Variants in PTPRD observed in about 807,000 individuals in gnomAD.
PTPRD encodes the protein protein tyrosine phosphatase receptor type D, also known as receptor-type tyrosine-protein phosphatase delta.
PTPRD carries 34 observed loss-of-function variants against 214.5 expected under a neutral mutation model. The ratio of observed to expected loss-of-function variants is 0.16; its 90% CI spans 0.12 to 0.21. PTPRD has a LOEUF of 0.21. PTPRD is among the 10% of genes least tolerant of loss of function. The probability of loss-of-function intolerance (pLI) is 1.00; values close to 1 mark genes in which losing one functional copy is unlikely to be tolerated. For synonymous variants in PTPRD, 1,128 were observed against 845.7 expected (o/e 1.33, Z -5.79); for missense variants, 2,545 against 2,398.7 (o/e 1.06, Z -1.27).
intron 8 of PTPRD, among the ~76,000 whole-genome samples, chr9:9,411,247 T>A (rs2075318798): frequency 7.5e-6 from 1 of 133,698 alleles, no homozygotes; most frequent in Non-Finnish European, 1.5e-5. Flanking sequence ...TCCCTGAGGA[T>A]ACATAGCATT....
At chr9:9,083,631 G>T (rs913663553) in intron 10 of PTPRD, among the ~76,000 whole-genome samples, 2 of 152,010 alleles carry the variant, frequency 1.3e-5, no homozygotes, top group Non-Finnish European at 2.9e-5. Context: ...CAGAATGGGA[G>T]AAAATCTTTG....
At chr9:8,704,251 C>G (rs2098151360) in intron 12 of PTPRD, among the ~76,000 whole-genome samples, 1 of 152,190 alleles carries the variant, frequency 6.6e-6, no homozygotes, top group East Asian at 1.9e-4. Flanking sequence ...CCCTCCCACT[C>G]CATCCTCTGC....
intron 11 of PTPRD, among the ~76,000 whole-genome samples, chr9:9,008,841 T>C (rs2154360764): frequency 6.6e-6 from 1 of 152,270 alleles, no homozygotes; most frequent in East Asian, 1.9e-4. Flanking sequence ...ATGTTTTTCC[T>C]CTCTTTAACC....
intron 3 of PTPRD, among the ~76,000 whole-genome samples, chr9:10,065,141 TAGAAAGAAAGAAAGAAAGAAAGAAAGAA>T (rs554379074): frequency 9.4e-6 from 1 of 106,732 alleles, no homozygotes; most frequent in Non-Finnish European, 1.9e-5. Flanking sequence ...TGACTTGGAT[TAGAAAGAAAGAAAGAAAGAAAGAAAGAA>T]AGAAAGAAAG....
chr9:9,003,537 T>C (rs1318943779), intron 11 of PTPRD, among the ~76,000 whole-genome samples: 1 of 152,068 alleles, frequency 6.6e-6, no homozygotes, highest in Non-Finnish European at 1.5e-5. Context: ...ATGATGGTGA[T>C]TGTTGGCTGG....
intron 14 of PTPRD, among the ~76,000 whole-genome samples, chr9:8,553,761 T>G (rs991915545): frequency 6.6e-6 from 1 of 152,204 alleles, no homozygotes; most frequent in Non-Finnish European, 1.5e-5. Context: ...TCAGAGAACC[T>G]ATATAACCCT....
intron 5 of PTPRD, among the ~76,000 whole-genome samples, chr9:9,859,357 T>C (rs868826690): frequency 1.3e-5 from 2 of 152,182 alleles, no homozygotes; most frequent in Non-Finnish European, 2.9e-5. Context: ...GGACTATTGG[T>C]GTTGAGGAAG....
chr9:9,192,422 G>C (rs1275472876), intron 9 of PTPRD, among the ~76,000 whole-genome samples: 1 of 152,042 alleles, frequency 6.6e-6, no homozygotes, highest in Admixed American at 6.6e-5. Flanking sequence ...GTATCCTAGT[G>C]ATTAAAAGGT....
intron 8 of PTPRD, among the ~76,000 whole-genome samples, chr9:9,528,856 T>A (rs1409704536): frequency 6.6e-6 from 1 of 151,896 alleles, no homozygotes; most frequent in East Asian, 1.9e-4. Context: ...TTTTTTCCCA[T>A]TGAAAATATA....
chr9:10,019,674 A>C (rs2096803514), intron 4 of PTPRD, among the ~76,000 whole-genome samples: 1 of 152,014 alleles, frequency 6.6e-6, no homozygotes, highest in Admixed American at 6.6e-5. Context: ...AACTATCGCA[A>C]GGACAAAAAA....
chr9:9,969,604 G>A (rs1318535316), intron 4 of PTPRD, among the ~76,000 whole-genome samples: 1 of 152,166 alleles, frequency 6.6e-6, no homozygotes, highest in African/African-American at 2.4e-5. Context: ...ACAGAGCACA[G>A]AATGAGATCA....
chr9:9,618,103 A>AG (rs2095009177), intron 7 of PTPRD, among the ~76,000 whole-genome samples: 1 of 143,994 alleles, frequency 6.9e-6, no homozygotes, highest in Non-Finnish European at 1.5e-5. Flanking sequence ...AAAAAAAAAA[A>AG]AGATTTTGTC....
intron 11 of PTPRD, among the ~76,000 whole-genome samples, chr9:8,865,233 T>G (rs932997059): frequency 1.3e-5 from 2 of 152,178 alleles, no homozygotes; most frequent in African/African-American, 4.8e-5. Flanking sequence ...GGAGGCAGCA[T>G]TTGCCAGTAC....
rs139236059 is a variant in PTPRD, at chr9:8,785,185, A to G, written c.-103-51239T>C. On this transcript the variant is annotated intron_variant, in intron 11 of 45. Coordinates refer to ENST00000381196, the MANE Select transcript of PTPRD (RefSeq NM_002839.4). Reference sequence around the variant, plus strand: ...TATGTACAAGAAAAGAAATTTGGTAAGAGGGAACACATATTTAAAAGAGAC... The same window carrying G: ...TATGTACAAGAAAAGAAATTTGGTAGGAGGGAACACATATTTAAAAGAGAC... Among the ~76,000 whole-genome samples, 62 of 152,308 alleles carry G rather than the reference A, an allele frequency of 4.1e-4. 1 individual carries two copies. In the East Asian group the frequency reaches 6.4e-3, roughly 16 times the overall value.
intron 14 of PTPRD, among the ~76,000 whole-genome samples, chr9:8,560,482 C>T (rs987006204): frequency 6.7e-6 from 1 of 150,372 alleles, no homozygotes; most frequent in African/African-American, 2.5e-5. Flanking sequence ...CATATATACA[C>T]TGTTTCATTG....
rs149377212 is a variant in PTPRD at position 8,341,950 on chromosome 9, T to C, written c.4690A>G (p.Ile1564Val). The C allele has an allele frequency of 1.9e-6, 3 of 1,612,130 alleles. No homozygotes were observed. In the African/African-American group the frequency reaches 4.0e-5, roughly 22 times the overall value. Residue 1564 changes from isoleucine (I) to valine (V), a missense_variant, in exon 40 of 46, where the codon ATC becomes GTC. Ile to Val is a conservative substitution (Grantham distance 29). Transcript: ENST00000381196. ...CTTTCTAACATGGCATCTATGACGA[T>C]GAAGCAACCAGTCCGGCCAACTCCC... is the stretch of plus-strand genomic sequence containing the variant. ...SAGVGRTGCFIVIDAMLERIK... is the reference protein window; with the variant it reads ...SAGVGRTGCFVVIDAMLERIK...
At chr9:10,031,415 T>A (rs2097063946) in intron 4 of PTPRD, among the ~76,000 whole-genome samples, 1 of 151,314 alleles carries the variant, frequency 6.6e-6, no homozygotes, top group Non-Finnish European at 1.5e-5. Flanking sequence ...TGCCAGTGAA[T>A]ATAAAGCAGG....
At chr9:10,173,215 G>C (rs1482450919) in intron 3 of PTPRD, among the ~76,000 whole-genome samples, 2 of 152,138 alleles carry the variant, frequency 1.3e-5, no homozygotes, top group Admixed American at 1.3e-4. Context: ...ATGCTCTTTA[G>C]CGTATTCTAG....
chr9:10,220,452 T>A (rs566024586), intron 3 of PTPRD, among the ~76,000 whole-genome samples: 4 of 152,016 alleles, frequency 2.6e-5, no homozygotes, highest in South Asian at 4.1e-4. Flanking sequence ...CCCAGGCAAG[T>A]ATATCTCTAG....
Sources: gnomAD v4.1 joint callset for allele counts (sites outside exome capture counted in the v4.1 genomes callset) on GRCh38, gnomAD v4.1.1 for gene constraint, MANE v1.5 for transcripts, NCBI Gene and HGNC (gene_info 2026-07-23, HGNC 2026-07-21) for gene names.